Variants in PTPRE observed in about 807,000 individuals in gnomAD.
PTPRE encodes the protein receptor-type tyrosine-protein phosphatase epsilon.
Under a neutral mutation model 102.0 loss-of-function variants are expected in PTPRE, and 51 were observed. That is an observed-to-expected ratio of 0.50 (90% CI 0.40 to 0.63). The LOEUF (loss-of-function observed/expected upper bound fraction) is 0.63, where lower values mean the gene tolerates loss of function less well. Ranked by LOEUF, PTPRE falls within the 30% of genes least tolerant of loss-of-function variation. The pLI, the probability that PTPRE is intolerant of heterozygous loss-of-function variation, is 0.00. For synonymous variants in PTPRE, 345 were observed against 348.2 expected (o/e 0.99, Z 0.10); for missense variants, 752 against 915.1 (o/e 0.82, Z 2.30).
Position 128,008,261 on chromosome 10 carries a change from C to T in PTPRE, c.-8+25965C>T, listed in dbSNP as rs75132673. On this transcript the variant is annotated intron_variant, in intron 2 of 20. Transcript: ENST00000254667. The surrounding 1 kb of genome is among the most constrained non-coding windows in gnomAD (Gnocchi z 4.0). ...CCTTTCACCCTCCCTCCCTCTCTCC[C>T]TCATTCCCTCCCTCCCTCCCTCCAG... Among the ~76,000 whole-genome samples, 29 of 151,760 alleles carry T rather than the reference C, an allele frequency of 1.9e-4. No homozygotes were observed. The highest frequency in any genetic ancestry group is 1.8e-3 in the East Asian group (9 of 5,114).
At position 128,076,660 on chromosome 10, in the gene PTPRE, A is replaced by T. The variant is rs759868624; in HGVS notation, c.1657A>T (p.Ile553Phe). The change falls in exon 18 of 21, where the codon ATT becomes TTT. Residue 553 changes from isoleucine (I) to phenylalanine (F), a missense_variant. Ile to Phe is a conservative substitution (Grantham distance 21). Transcript: ENST00000254667. Reference sequence around the variant, plus strand: ...CTCAGTTACTCATGGAGAAATAACGATTGAGATAAAGAATGATACCCTTTC... The same window carrying T: ...CTCAGTTACTCATGGAGAAATAACGTTTGAGATAAAGAATGATACCCTTTC... ...EGSVTHGEIT[I>F]EIKNDTLSEA... The T allele has an allele frequency of 6.2e-7, 1 of 1,612,118 alleles. No individual in the cohort carries two copies. The highest frequency in any genetic ancestry group is 8.5e-7 in the Non-Finnish European group (1 of 1,179,568).
chr10:127,915,795 T>A (rs1399782463), intron 1 of PTPRE, among the ~76,000 whole-genome samples: 1 of 151,082 alleles, frequency 6.6e-6, no homozygotes, highest in Non-Finnish European at 1.5e-5. Context: ...CTTTATTGAC[T>A]ACCTACAGTA....
At chr10:127,973,784 G>C (rs7081529) in intron 1 of PTPRE, among the ~76,000 whole-genome samples, 65,679 of 151,890 alleles carry the variant, frequency 0.43, 17,157 homozygotes, top group African/African-American at 0.74. Flanking sequence ...GCGCCTGAAC[G>C]CCACCTCTGT....
At chr10:127,981,054 C>T (rs11015985) in intron 1 of PTPRE, among the ~76,000 whole-genome samples, 28,206 of 152,092 alleles carry the variant, frequency 0.19, 2,764 homozygotes, top group Non-Finnish European at 0.22. Context: ...AACAAGCGAG[C>T]TAAATTCATC....
At chr10:128,043,107 A>T (rs1847839907) in intron 3 of PTPRE, among the ~76,000 whole-genome samples, 1 of 152,326 alleles carries the variant, frequency 6.6e-6, no homozygotes, top group East Asian at 1.9e-4. Flanking sequence ...GGACTGGTTT[A>T]ATGGAAGACA....
chr10:127,955,790 A>C (rs1960787), intron 1 of PTPRE, among the ~76,000 whole-genome samples: 73,103 of 152,036 alleles, frequency 0.48, 18,703 homozygotes, highest in African/African-American at 0.66. Context: ...AACAGGAAGC[A>C]TGACTGGGAA....
intron 2 of PTPRE, among the ~76,000 whole-genome samples, chr10:128,013,265 T>C (rs546956582): frequency 1.3e-5 from 2 of 152,238 alleles, no homozygotes; most frequent in African/African-American, 2.4e-5. Context: ...GGGTCGAGGG[T>C]GGCAAAGAGA....
intron 12 of PTPRE, 126 bp downstream of exon 12, chr10:128,068,412 CACAAA>C: frequency 9.1e-7 from 1 of 1,096,894 alleles, no homozygotes; most frequent in Non-Finnish European, 1.3e-6. Flanking sequence ...CTGATGTGAA[CACAAA>C]TGTCAGTGAC....
At chr10:127,947,919 A>G (rs995138825) in intron 1 of PTPRE, among the ~76,000 whole-genome samples, 1 of 152,136 alleles carries the variant, frequency 6.6e-6, no homozygotes, top group African/African-American at 2.4e-5. Context: ...CCCTAATTAG[A>G]GGGGTTGAGC....
chr10:128,007,536 T>G (rs1589985243), intron 2 of PTPRE, among the ~76,000 whole-genome samples: 1 of 152,216 alleles, frequency 6.6e-6, no homozygotes, highest in East Asian at 1.9e-4. Context: ...TCTGTTTCAA[T>G]AGAGCTTCCC....
At chr10:128,069,481 TAG>T (rs1319619620) in intron 12 of PTPRE, 15 of 610,050 alleles carry the variant, frequency 2.5e-5, no homozygotes, top group Middle Eastern at 4.5e-4. Flanking sequence ...TGCCTCTTAG[TAG>T]AGTGTCGGTG....
intron 2 of PTPRE, 86 bp downstream of exon 2, chr10:127,982,382 A>G (rs554315124): frequency 1.1e-6 from 1 of 946,058 alleles, no homozygotes; most frequent in East Asian, 6.2e-5. Flanking sequence ...TTAGAAGAGC[A>G]TTGTTTTCTT....
chr10:128,034,246 A>C (rs906800673), intron 2 of PTPRE, among the ~76,000 whole-genome samples: 1 of 152,138 alleles, frequency 6.6e-6, no homozygotes, highest in African/African-American at 2.4e-5. Flanking sequence ...GTGTGAGTTT[A>C]GTTTAGTTCC....
Position 128,028,358 on chromosome 10 carries a change from T to G in PTPRE, c.-7-12517T>G, listed in dbSNP as rs1312698698. On this transcript the variant is annotated intron_variant, in intron 2 of 20. Transcript: ENST00000254667. This position sits in a 1 kb window ranked among gnomAD's most constrained non-coding sequence, Gnocchi z 4.5. ...GGTCACACACAGCCACACTCGGGGA[T>G]TAGGACCTGAAGGATATCATTGAGC... Among the ~76,000 whole-genome samples the G allele has an allele frequency of 6.6e-6, 1 of 152,020 alleles. No homozygotes were observed. Among genetic ancestry groups the G allele is most frequent in the African/African-American group, 2.4e-5 (1 of 41,404 alleles).
intron 1 of PTPRE, among the ~76,000 whole-genome samples, chr10:127,912,959 T>C (rs981266300): frequency 1.3e-5 from 2 of 152,242 alleles, no homozygotes; most frequent in Non-Finnish European, 2.9e-5. Context: ...GCCACGGGGC[T>C]TTATTTTCAA....
In PTPRE at chr10:128,084,362, C is replaced by A. The variant is rs1851948225; in HGVS notation, c.*1456C>A. 6.6e-6 allele frequency: 1 copy of A among 152,130 alleles called. No homozygotes were observed. 9.4% of individuals were successfully genotyped at this position (152,130 alleles called of 1,614,324 possible). ...CCTTATTTGACATTTTCACTGATAA[C>A]TGATCGCACCCTCATGTTGCAGTGT... On this transcript the variant is annotated 3_prime_UTR_variant, in exon 21 of 21. Transcript: ENST00000254667.
At chr10:128,047,305 C>G in intron 3 of PTPRE, 85 bp from the exon 4 acceptor site, 1 of 1,507,468 alleles carries the variant, frequency 6.6e-7, no homozygotes, top group Non-Finnish European at 8.9e-7. Context: ...GTTCTGGTGT[C>G]CAGGAAGAAG....
intron 1 of PTPRE, among the ~76,000 whole-genome samples, chr10:127,963,639 G>A (rs534542328): frequency 2.6e-5 from 4 of 152,290 alleles, no homozygotes; most frequent in East Asian, 3.9e-4. Context: ...CACCGTAGGC[G>A]AGCCTGTTTC....
In PTPRE at chr10:127,986,993, A is replaced by G. The variant is rs538406250; in HGVS notation, c.-8+4697A>G. ...TTCCACGGGTTTCTATCCAAGCCAC[A>G]GCGACAAATTATTCTCCTGGTGACT... On this transcript the variant is annotated intron_variant, in intron 2 of 20. Coordinates refer to ENST00000254667, the MANE Select transcript of PTPRE (RefSeq NM_006504.6). Among the ~76,000 whole-genome samples the G allele has an allele frequency of 3.3e-5, 5 of 152,340 alleles. No individual in the cohort carries two copies. In the East Asian group the frequency reaches 9.6e-4, roughly 29 times the overall value.
Sources: gnomAD v4.1 joint callset for allele counts (sites outside exome capture counted in the v4.1 genomes callset) on GRCh38, gnomAD v4.1.1 for gene constraint, Gnocchi (gnomAD v3.1) non-coding constraint, MANE v1.5 for transcripts, NCBI Gene and HGNC (gene_info 2026-07-23, HGNC 2026-07-21) for gene names.